Variants in IL31RA observed in about 807,000 individuals in gnomAD.
IL31RA encodes the protein interleukin 31 receptor A, also known as interleukin-31 receptor subunit alpha.
Under a neutral mutation model 83.7 loss-of-function variants are expected in IL31RA, and 66 were observed. The ratio of observed to expected loss-of-function variants is 0.79; its 90% CI spans 0.65 to 0.97. IL31RA has a LOEUF of 0.97. Among genes scored for constraint, IL31RA ranks in the 50% least tolerant of loss-of-function variants. IL31RA has a pLI of 0.00. For synonymous variants in IL31RA, 325 were observed against 329.0 expected, an observed-to-expected ratio of 0.99 and a Z score of 0.13; for missense variants, 798 against 919.4, an observed-to-expected ratio of 0.87 and a Z score of 1.71.
chr5:55,893,410 G>A (rs991330511), intron 6 of IL31RA, among the ~76,000 whole-genome samples: 81 of 152,344 alleles, frequency 5.3e-4, no homozygotes, highest in African/African-American at 1.9e-3. Context: ...ACTGCTGCTG[G>A]TTGTGGGGAT....
At chr5:55,908,458 A>G (rs1013837595) in intron 11 of IL31RA, 47 bp downstream of exon 11, 1 of 1,614,234 alleles carries the variant, frequency 6.2e-7, no homozygotes, top group Non-Finnish European at 8.5e-7. Flanking sequence ...AGCCCCAGAT[A>G]GATGCTATGG....
rs1749850997 is a variant in IL31RA at position 55,917,346 on chromosome 5, T to C, written c.*226T>C. Reference sequence around the variant, plus strand: ...CGAGTTTTGTAAAGGAACAGCAGTCTCTTTTCGTTTGTTCAGATACCAAGC... The same window carrying C: ...CGAGTTTTGTAAAGGAACAGCAGTCCCTTTTCGTTTGTTCAGATACCAAGC... On this transcript the variant is annotated 3_prime_UTR_variant, in exon 15 of 15. Coordinates refer to ENST00000652347, the MANE Select transcript of IL31RA (RefSeq NM_139017.7). 27 of 1,405,634 alleles carry C rather than the reference T, an allele frequency of 1.9e-5. 1 individual carries two copies. The South Asian group carries it at 3.6e-4, about 19-fold the overall frequency. 87.1% of individuals were successfully genotyped at this position (1,405,634 alleles called of 1,614,324 possible).
chr5:55,883,248 T>G, intron 5 of IL31RA, 53 bp downstream of exon 5: 10 of 1,324,448 alleles, frequency 7.6e-6, no homozygotes, highest in South Asian at 1.2e-5. Context: ...AGGAAAAGAA[T>G]CATTGACAAC....
intron 7 of IL31RA, among the ~76,000 whole-genome samples, chr5:55,897,016 T>TATATA (rs1491389607): frequency 3.1e-4 from 2 of 6,472 alleles, no homozygotes. Flanking sequence ...TATATATATA[T>TATATA]TTTTTTTTTT....
intron 7 of IL31RA, among the ~76,000 whole-genome samples, chr5:55,897,015 ATTT>A (rs1178147444): frequency 1.2e-3 from 1 of 844 alleles, no homozygotes. Flanking sequence ...ATATATATAT[ATTT>A]TTTTTTTTTT....
chr5:55,897,212 A>G (rs1748458325), intron 7 of IL31RA, among the ~76,000 whole-genome samples: 1 of 148,176 alleles, frequency 6.7e-6, no homozygotes, highest in East Asian at 2.0e-4. Context: ...TGATTCTTGA[A>G]ATTTTACCCC....
intron 11 of IL31RA, 189 bp downstream of exon 11, chr5:55,908,600 G>T (rs956463676): frequency 1.3e-6 from 2 of 1,551,190 alleles, no homozygotes; most frequent in African/African-American, 1.4e-5. Flanking sequence ...GGGGTTAAAT[G>T]AGAGTGAAGT....
At chr5:55,915,646 T>C (rs778205254) in intron 14 of IL31RA, among the ~76,000 whole-genome samples, 27 of 152,198 alleles carry the variant, frequency 1.8e-4, no homozygotes, top group Non-Finnish European at 3.7e-4. Context: ...TCAGAAGTCT[T>C]TTTTGAGCAT....
In IL31RA at chr5:55,917,169, G is replaced by A. The variant is rs1380080496; in HGVS notation, c.*49G>A. 6.2e-7 allele frequency: 1 copy of A among 1,612,520 alleles called. No individual in the cohort carries two copies. The highest frequency in any genetic ancestry group is 1.1e-5 in the South Asian group (1 of 90,902). ...CGGGGCCTCAGTGTGGATGGCCCTT[G>A]CCAGAGAAGATGTCAAGACTCGGCA... is the stretch of plus-strand genomic sequence containing the variant. On this transcript the variant is annotated 3_prime_UTR_variant, in exon 15 of 15. Transcript: ENST00000652347.
intron 3 of IL31RA, among the ~76,000 whole-genome samples, chr5:55,869,180 T>G (rs1028570395): frequency 1.3e-5 from 2 of 152,214 alleles, no homozygotes; most frequent in African/African-American, 4.8e-5. Context: ...TTTACTACAC[T>G]CAACTATACC....
At chr5:55,894,842 G>A (rs1376845120) in intron 6 of IL31RA, among the ~76,000 whole-genome samples, 3 of 152,006 alleles carry the variant, frequency 2.0e-5, no homozygotes, top group African/African-American at 7.3e-5. Context: ...TCAGCCTCCC[G>A]TGTAGCTGGG....
rs77799210 is a variant in IL31RA, at chr5:55,894,653, A to G, written c.773-1697A>G. On this transcript the variant is annotated intron_variant, in intron 6 of 14. Coordinates refer to ENST00000652347, the MANE Select transcript of IL31RA (RefSeq NM_139017.7). ...AAAGGCAAAACAAGTTATTAACTCA[A>G]TTGTACTTGGTACATTTTCCTCATT... Among the ~76,000 whole-genome samples, 1,084 of 152,298 alleles carry G rather than the reference A, an allele frequency of 7.1e-3. 13 individuals carry two copies. Among genetic ancestry groups the G allele is most frequent in the African/African-American group, 0.025 (1,037 of 41,570 alleles).
rs867647582 is a variant in IL31RA at position 55,920,772 on chromosome 5, C to T, written c.*3652C>T. Among the ~76,000 whole-genome samples, 1 of 152,220 alleles carries T rather than the reference C, an allele frequency of 6.6e-6. No individual in the cohort carries two copies. The highest frequency in any genetic ancestry group is 2.4e-5 in the African/African-American group (1 of 41,460). On this transcript the variant is annotated 3_prime_UTR_variant, in exon 15 of 15. Coordinates refer to ENST00000652347, the MANE Select transcript of IL31RA (RefSeq NM_139017.7). Reference sequence around the variant, plus strand: ...AGGACTGCCCTCTTTGAAGGGTGCACACACACTTACTGGTTCCCCACCAGC... The same window carrying T: ...AGGACTGCCCTCTTTGAAGGGTGCATACACACTTACTGGTTCCCCACCAGC...
chr5:55,914,489 A>G (rs1749673795), intron 13 of IL31RA, among the ~76,000 whole-genome samples: 1 of 152,234 alleles, frequency 6.6e-6, no homozygotes, highest in Non-Finnish European at 1.5e-5. Context: ...TGGGTAGCTT[A>G]TAAGGTTTAT....
chr5:55,876,784 A>G (rs1288966622), intron 4 of IL31RA, among the ~76,000 whole-genome samples: 1 of 151,972 alleles, frequency 6.6e-6, no homozygotes, highest in Non-Finnish European at 1.5e-5. Flanking sequence ...TATTTTTTAT[A>G]GAGACTTGCT....
At chr5:55,910,865 T>G (rs1261568869) in intron 12 of IL31RA, among the ~76,000 whole-genome samples, 193 bp downstream of exon 12, 1 of 152,116 alleles carries the variant, frequency 6.6e-6, no homozygotes, top group Non-Finnish European at 1.5e-5. Flanking sequence ...GCAGGCAAGT[T>G]GAGAGCCGAA....
chr5:55,845,983 G>C, the IL31RA span, among the ~76,000 whole-genome samples: 1 of 152,192 alleles, frequency 6.6e-6, no homozygotes, highest in African/African-American at 2.4e-5. Context: ...GCCTCTTTAT[G>C]ACTCGGGCTC....
rs1749938024 is a variant in IL31RA, at chr5:55,918,771, C to T, written c.*1651C>T. On this transcript the variant is annotated 3_prime_UTR_variant, in exon 15 of 15. Transcript: ENST00000652347. The stretch of plus-strand genomic sequence containing the variant: ...GGCTGCTCTCTCAAAGCTCTGTCCT[C>T]CTAACATCTCCAGCGGCTGCAGCCA... Among the ~76,000 whole-genome samples, 1 of 152,134 alleles carries T rather than the reference C, an allele frequency of 6.6e-6. No homozygotes were observed. Among genetic ancestry groups the T allele is most frequent in the Non-Finnish European group, 1.5e-5 (1 of 68,030 alleles).
intron 6 of IL31RA, among the ~76,000 whole-genome samples, chr5:55,891,924 C>T (rs1477826739): frequency 6.6e-6 from 1 of 151,584 alleles, no homozygotes; most frequent in African/African-American, 2.4e-5. Flanking sequence ...TACAGGTGCC[C>T]ACCACCACGC....
Sources: gnomAD v4.1 joint callset for allele counts (sites outside exome capture counted in the v4.1 genomes callset) on GRCh38, gnomAD v4.1.1 for gene constraint, MANE v1.5 for transcripts, NCBI Gene and HGNC (gene_info 2026-07-23, HGNC 2026-07-21) for gene names.